Variants in SCAPER observed in about 807,000 individuals in gnomAD.
The protein encoded by SCAPER is S phase cyclin A-associated protein in the endoplasmic reticulum.
SCAPER carries 98 observed loss-of-function variants against 182.2 expected under a neutral mutation model. That is an observed-to-expected ratio of 0.54 (90% confidence interval 0.46 to 0.64). SCAPER has a LOEUF of 0.64. SCAPER is among the 30% of genes least tolerant of loss of function. The pLI is 0.00. For synonymous variants in SCAPER, 605 were observed against 564.6 expected (o/e 1.07, Z -1.01); for missense variants, 1,432 against 1,690.0 (o/e 0.85, Z 2.68).
At chr15:76,543,640 C>A (rs2044985380) in intron 23 of SCAPER, among the ~76,000 whole-genome samples, 1 of 152,096 alleles carries the variant, frequency 6.6e-6, no homozygotes, top group African/African-American at 2.4e-5. Flanking sequence ...GACTCTGATA[C>A]AAAATCTGGC....
chr15:76,663,899 T>C lies in SCAPER; in HGVS notation c.2645+1754A>G, dbSNP rs577275962. 5.9e-5 allele frequency among the ~76,000 whole-genome samples: 9 copies of C among 152,226 alleles called. No homozygotes were observed. The South Asian group carries it at 1.2e-3, about 21-fold the overall frequency. On this transcript the variant is annotated intron_variant, in intron 21 of 31. Transcript: ENST00000563290. ...AGTCAATAGATACAGTTAGTATGCA[T>C]AGAATGGACACAGATGGCAAAATAT... is the stretch of plus-strand genomic sequence containing the variant.
In SCAPER at chr15:76,800,169, A is replaced by C. The variant is rs578232613; in HGVS notation, c.611+79T>G. The C allele has an allele frequency of 1.3e-4, 76 of 599,878 alleles. No homozygotes were observed. The African/African-American group carries it at 1.5e-3, about 11-fold the overall frequency. The allele number at this position is 599,878 out of a possible 1,614,324, so 37.2% of individuals were successfully genotyped here. On this transcript the variant is annotated intron_variant, in intron 7 of 31. Transcript: ENST00000563290. ...TATACATGGATATTTTTATAGTAGA[A>C]TATCAGAATCATAATACTATAATAA...
chr15:76,521,675 T>A (rs895892016), intron 23 of SCAPER, among the ~76,000 whole-genome samples: 2 of 152,176 alleles, frequency 1.3e-5, no homozygotes, highest in African/African-American at 4.8e-5. Flanking sequence ...AAAACACAAC[T>A]TGTTGAAATA....
At chr15:76,856,580 T>TCC (rs1266704670) in intron 4 of SCAPER, among the ~76,000 whole-genome samples, 1 of 151,702 alleles carries the variant, frequency 6.6e-6, no homozygotes, top group African/African-American at 2.4e-5. Context: ...TGCCTTTGTG[T>TCC]GTGGGGATGG....
intron 4 of SCAPER, among the ~76,000 whole-genome samples, chr15:76,846,862 C>A (rs762929336): frequency 5.9e-5 from 9 of 151,784 alleles, no homozygotes; most frequent in Non-Finnish European, 1.0e-4. Context: ...GTATATATAC[C>A]CAAAAGAAAA....
chr15:76,851,379 A>G (rs1048293569), intron 4 of SCAPER, among the ~76,000 whole-genome samples: 1 of 152,186 alleles, frequency 6.6e-6, no homozygotes, highest in African/African-American at 2.4e-5. Context: ...CCCCCAAGAC[A>G]TGTAATCATC....
intron 23 of SCAPER, among the ~76,000 whole-genome samples, chr15:76,569,518 C>T (rs755581198): frequency 5.3e-5 from 8 of 152,120 alleles, no homozygotes; most frequent in Non-Finnish European, 5.9e-5. Context: ...TTCACTGTGA[C>T]GTTTGTGAAC....
At chr15:76,690,156 A>C (rs2058274251) in intron 20 of SCAPER, among the ~76,000 whole-genome samples, 1 of 152,174 alleles carries the variant, frequency 6.6e-6, no homozygotes, top group South Asian at 2.1e-4. Context: ...GCAAGAAATA[A>C]GTTATAATTG....
intron 21 of SCAPER, among the ~76,000 whole-genome samples, chr15:76,640,386 G>C (rs1278828849): frequency 6.6e-6 from 1 of 152,200 alleles, no homozygotes; most frequent in African/African-American, 2.4e-5. Flanking sequence ...TTGGGAATCA[G>C]TAAAACGCTA....
chr15:76,856,668 T>C (rs1377870274), intron 4 of SCAPER, among the ~76,000 whole-genome samples: 1 of 151,856 alleles, frequency 6.6e-6, no homozygotes, highest in Non-Finnish European at 1.5e-5. Flanking sequence ...TTTTACATAA[T>C]ACATACTATA....
intron 20 of SCAPER, among the ~76,000 whole-genome samples, chr15:76,687,904 T>A (rs1482544344): frequency 6.6e-6 from 1 of 152,222 alleles, no homozygotes; most frequent in Non-Finnish European, 1.5e-5. Context: ...TAAACATACA[T>A]GTACATGTGT....
In SCAPER at chr15:76,408,752, C is replaced by T. The variant is rs1420369920; in HGVS notation, c.3312-4073G>A. Among the ~76,000 whole-genome samples, 53 of 151,624 alleles carry T rather than the reference C, an allele frequency of 3.5e-4. 1 individual carries two copies. The highest frequency in any genetic ancestry group is 1.5e-5 in the Non-Finnish European group (1 of 67,970). ...GGAACATTCTATGGTTTTCTGACTC[C>T]TGATAAGAGGGTCCTTTGCACTGAA... On this transcript the variant is annotated intron_variant, in intron 26 of 31. Coordinates refer to ENST00000563290, the MANE Select transcript of SCAPER (RefSeq NM_020843.4).
intron 21 of SCAPER, among the ~76,000 whole-genome samples, chr15:76,622,645 G>A (rs915860689): frequency 6.6e-6 from 1 of 152,076 alleles, no homozygotes; most frequent in Non-Finnish European, 1.5e-5. Context: ...CATTTTGCAT[G>A]TCAAAATGCA....
intron 26 of SCAPER, among the ~76,000 whole-genome samples, chr15:76,418,208 G>C (rs992826324): frequency 6.6e-6 from 1 of 152,150 alleles, no homozygotes; most frequent in African/African-American, 2.4e-5. Context: ...CAAAATCCCT[G>C]TGGAACATTA....
At chr15:76,406,615 TAC>T (rs36219509) in intron 26 of SCAPER, among the ~76,000 whole-genome samples, 16,128 of 149,542 alleles carry the variant, frequency 0.11, 1,134 homozygotes, top group African/African-American at 0.2. Flanking sequence ...AGACCCTGTC[TAC>T]ACACACACAC....
chr15:76,865,097 A>T (rs532941299), intron 2 of SCAPER, among the ~76,000 whole-genome samples: 5 of 152,302 alleles, frequency 3.3e-5, no homozygotes, highest in African/African-American at 1.2e-4. Context: ...CAGCATTTAC[A>T]TTTCACCAAC....
chr15:76,869,553 T>C (rs1399599876), intron 2 of SCAPER, among the ~76,000 whole-genome samples: 1 of 151,876 alleles, frequency 6.6e-6, no homozygotes, highest in Non-Finnish European at 1.5e-5. Flanking sequence ...AAAACTACAG[T>C]GAAATATCAT....
intron 10 of SCAPER, among the ~76,000 whole-genome samples, chr15:76,771,219 G>A (rs1464474232): frequency 6.6e-6 from 1 of 152,014 alleles, no homozygotes; most frequent in African/African-American, 2.4e-5. Context: ...AGGAAGAGAT[G>A]GGTAGAAATA....
chr15:76,773,871 A>AT (rs2063601798), intron 9 of SCAPER, among the ~76,000 whole-genome samples: 1 of 151,926 alleles, frequency 6.6e-6, no homozygotes, highest in Non-Finnish European at 1.5e-5. Context: ...ATATTTAAAA[A>AT]AAAGCTCCTA....
Sources: allele counts gnomAD v4.1 joint callset (sites outside exome capture counted in the v4.1 genomes callset), GRCh38; gene constraint gnomAD v4.1.1; transcripts MANE v1.5; gene names NCBI Gene and HGNC (gene_info 2026-07-23, HGNC 2026-07-21).